PTPRT: variants seen among roughly 807,000 people sequenced by gnomAD.
The protein encoded by PTPRT is protein tyrosine phosphatase receptor type T.
PTPRT carries 56 observed loss-of-function variants against 176.8 expected under a neutral mutation model. The ratio of observed to expected loss-of-function variants is 0.32; its 90% CI spans 0.26 to 0.40. The LOEUF is 0.40. Among genes scored for constraint, PTPRT ranks in the 10% least tolerant of loss-of-function variants. The probability of loss-of-function intolerance (pLI) is 1.00; values close to 1 mark genes in which losing one functional copy is unlikely to be tolerated. For missense variants in PTPRT, 1,540 were observed against 1,908.2 expected, an observed-to-expected ratio of 0.81 and a Z score of 3.60; for synonymous variants, 783 against 739.0, an observed-to-expected ratio of 1.06 and a Z score of -0.96.
chr20:42,977,091 C>T (rs1189739244), intron 1 of PTPRT, among the ~76,000 whole-genome samples: 1 of 152,154 alleles, frequency 6.6e-6, no homozygotes, highest in Non-Finnish European at 1.5e-5. Context: ...GTGGTTAAAA[C>T]AAGCACAGAC....
chr20:43,180,147 T>C (rs1395586014), intron 1 of PTPRT, among the ~76,000 whole-genome samples: 3 of 152,112 alleles, frequency 2.0e-5, no homozygotes, highest in Admixed American at 6.5e-5. Context: ...GGGACATCCA[T>C]CCTCTCCTTC....
rs149657462 is a variant in PTPRT at position 42,945,433 on chromosome 20, G to A, written c.89-59501C>T. 8.7e-3 allele frequency among the ~76,000 whole-genome samples: 1,322 copies of A among 152,292 alleles called. 50 individuals carry two copies. The highest frequency in any genetic ancestry group is 0.071 in the Admixed American group (1,084 of 15,290). The stretch of plus-strand genomic sequence containing the variant: ...AGGATTTAACCATGTCTGCCAGGGC[G>A]TCTGCTGTTTCTCCCGGGACTAATC... On this transcript the variant is annotated intron_variant, in intron 1 of 30. Coordinates refer to ENST00000373187, the MANE Select transcript of PTPRT (RefSeq NM_007050.6).
At chr20:42,920,126 T>C (rs950996604) in intron 1 of PTPRT, among the ~76,000 whole-genome samples, 2 of 152,142 alleles carry the variant, frequency 1.3e-5, no homozygotes, top group African/African-American at 4.8e-5. Flanking sequence ...AATTTAAGGA[T>C]GAATAAAGTG....
At chr20:42,150,207 TAGAGC>T (rs1477810768) in intron 17 of PTPRT, among the ~76,000 whole-genome samples, 1 of 152,210 alleles carries the variant, frequency 6.6e-6, no homozygotes, top group Non-Finnish European at 1.5e-5. Context: ...CAAAGCTTCC[TAGAGC>T]AGCTCACTCC....
At chr20:42,100,816 C>G (rs774799202) in intron 26 of PTPRT, among the ~76,000 whole-genome samples, 2 of 152,222 alleles carry the variant, frequency 1.3e-5, no homozygotes, top group African/African-American at 4.8e-5. Flanking sequence ...CTCTCCACCT[C>G]TAGCTACTTG....
At chr20:42,757,779 C>T (rs1397830139) in intron 5 of PTPRT, among the ~76,000 whole-genome samples, 2 of 152,316 alleles carry the variant, frequency 1.3e-5, no homozygotes, top group African/African-American at 4.8e-5. Flanking sequence ...TCCTGAATCT[C>T]AGGAGGGATA....
chr20:42,768,020 ACAC>A (rs2077009307), intron 5 of PTPRT, among the ~76,000 whole-genome samples: 1 of 146,954 alleles, frequency 6.8e-6, no homozygotes, highest in African/African-American at 2.5e-5. Flanking sequence ...ACACACACAC[ACAC>A]ACTGCTTCTC....
intron 1 of PTPRT, among the ~76,000 whole-genome samples, chr20:43,016,979 T>G (rs1210575225): frequency 6.6e-6 from 1 of 152,188 alleles, no homozygotes; most frequent in East Asian, 1.9e-4. Flanking sequence ...GGGGTGGTAC[T>G]TGACCCAGGC....
At chr20:42,193,960 T>C (rs1023722624) in intron 16 of PTPRT, among the ~76,000 whole-genome samples, 1 of 152,194 alleles carries the variant, frequency 6.6e-6, no homozygotes, top group Non-Finnish European at 1.5e-5. Context: ...TCAGGAGAGA[T>C]GTATTCTCAT....
intron 13 of PTPRT, among the ~76,000 whole-genome samples, chr20:42,265,070 A>G (rs1027666273): frequency 3.3e-5 from 5 of 152,210 alleles, no homozygotes; most frequent in African/African-American, 9.6e-5. Flanking sequence ...TTTTTATCTC[A>G]TGATTCTTCT....
At chr20:42,157,369 G>T in intron 17 of PTPRT, among the ~76,000 whole-genome samples, 3 of 142,424 alleles carry the variant, frequency 2.1e-5, no homozygotes, top group South Asian at 2.2e-4. Flanking sequence ...TTTTGGAGAT[G>T]GAGTCTCACT....
At chr20:42,271,901 C>T (rs2056942408) in intron 13 of PTPRT, among the ~76,000 whole-genome samples, 1 of 152,098 alleles carries the variant, frequency 6.6e-6, no homozygotes, top group African/African-American at 2.4e-5. Flanking sequence ...TACATAATTT[C>T]AAAAATAATA....
At chr20:43,008,595 G>A (rs574176904) in intron 1 of PTPRT, among the ~76,000 whole-genome samples, 10 of 152,164 alleles carry the variant, frequency 6.6e-5, no homozygotes, top group Non-Finnish European at 1.3e-4. Flanking sequence ...AGGGTCTGAG[G>A]TGGAGGCATC....
At chr20:42,578,164 G>T (rs1384076372) in intron 7 of PTPRT, among the ~76,000 whole-genome samples, 2 of 152,034 alleles carry the variant, frequency 1.3e-5, no homozygotes, top group African/African-American at 4.8e-5. Flanking sequence ...GAGTTACCTC[G>T]AGTCAACCAG....
chr20:42,240,008 C>G (rs2056322517), intron 14 of PTPRT, among the ~76,000 whole-genome samples: 1 of 152,220 alleles, frequency 6.6e-6, no homozygotes, highest in Non-Finnish European at 1.5e-5. Context: ...ACCTCCTCCT[C>G]AGCTACACTG....
Position 42,080,698 on chromosome 20 carries a change from G to T in PTPRT, c.*181C>A. The T allele has an allele frequency of 2.0e-6, 1 of 495,742 alleles. No individual in the cohort carries two copies. 30.7% of individuals were successfully genotyped at this position (495,742 alleles called of 1,614,324 possible). A position where few individuals can be genotyped will look rare whatever the true frequency, so the allele number is the denominator to read the frequency against. On this transcript the variant is annotated 3_prime_UTR_variant, in exon 31 of 31. Coordinates refer to ENST00000373187, the MANE Select transcript of PTPRT (RefSeq NM_007050.6). Reference sequence around the variant, plus strand: ...GGCCTTTTGGAGCAGCATCTCCCACGGCAACAGGAGACCCCTCAGAAGGTG... The same window carrying T: ...GGCCTTTTGGAGCAGCATCTCCCACTGCAACAGGAGACCCCTCAGAAGGTG...
chr20:42,385,026 T>C (rs912127205), intron 9 of PTPRT, among the ~76,000 whole-genome samples: 3 of 152,204 alleles, frequency 2.0e-5, no homozygotes, highest in African/African-American at 7.2e-5. Flanking sequence ...TTTCTTCCAT[T>C]CTGTAGGCTG....
intron 2 of PTPRT, among the ~76,000 whole-genome samples, chr20:42,870,478 A>C (rs2078825645): frequency 6.6e-6 from 1 of 152,228 alleles, no homozygotes; most frequent in Non-Finnish European, 1.5e-5. Flanking sequence ...GTGTGTAAAT[A>C]TATTTTCAAG....
chr20:43,162,620 G>A (rs4812683), intron 1 of PTPRT, among the ~76,000 whole-genome samples: 13,299 of 149,838 alleles, frequency 0.089, 1,562 homozygotes, highest in East Asian at 0.28. Flanking sequence ...ATGGAAGGTC[G>A]GTCTCCATGG....
Sources: gnomAD v4.1 joint callset for allele counts (sites outside exome capture counted in the v4.1 genomes callset) on GRCh38, gnomAD v4.1.1 for gene constraint, MANE v1.5 for transcripts, NCBI Gene and HGNC (gene_info 2026-07-23, HGNC 2026-07-21) for gene names.